The following THRB variants were observed in gnomAD, a reference collection of about 807,000 sequenced individuals.
THRB encodes the protein thyroid hormone receptor beta.
Under a neutral mutation model 47.8 loss-of-function variants are expected in THRB, and 12 were observed. The observed-to-expected ratio is 0.25, with a 90% CI of 0.16 to 0.41. The LOEUF (loss-of-function observed/expected upper bound fraction) is 0.41, where lower values mean the gene tolerates loss of function less well. Ranked by LOEUF, THRB falls within the 10% of genes least tolerant of loss-of-function variation. THRB has a pLI of 1.00. For synonymous variants in THRB, 218 were observed against 212.2 expected (o/e 1.03, Z -0.24); for missense variants, 348 against 589.2 (o/e 0.59, Z 4.24).
At position 24,149,313 on chromosome 3, in the gene THRB, G is replaced by A. The variant is rs114226090; in HGVS notation, c.385-2491C>T. ...CAAGACATCCAGTAAGAATGCTGAC[G>A]GCTTACTAGGATAGGAAGATTGTTA... On this transcript the variant is annotated intron_variant, in intron 6 of 10. Coordinates refer to ENST00000646209, the MANE Select transcript of THRB (RefSeq NM_001354712.2). Among the ~76,000 whole-genome samples the A allele has an allele frequency of 5.4e-3, 819 of 152,186 alleles. 8 individuals carry two copies. Among genetic ancestry groups the A allele is most frequent in the African/African-American group, 0.018 (766 of 41,538 alleles).
chr3:24,353,789 C>T (rs1322155118), intron 1 of THRB, among the ~76,000 whole-genome samples: 2 of 152,048 alleles, frequency 1.3e-5, no homozygotes, highest in African/African-American at 4.8e-5. Context: ...TTTTTTATCT[C>T]TTAATCTAAA....
chr3:24,190,071 T>C lies in THRB; in HGVS notation c.283+3A>G. 1 of 1,614,042 alleles carries C rather than the reference T, an allele frequency of 6.2e-7. No homozygotes were observed. Among genetic ancestry groups the C allele is most frequent in the Non-Finnish European group, 8.5e-7 (1 of 1,179,884 alleles). The stretch of plus-strand genomic sequence containing the variant: ...GATAATGGGCTAATAAAAATCTGGT[T>C]ACCTTTACATTTCTTCTCCTCCGTT... On this transcript the variant is annotated splice_donor_region_variant and intron_variant, in intron 5 of 10. Coordinates refer to ENST00000646209, the MANE Select transcript of THRB (RefSeq NM_001354712.2).
chr3:24,277,886 C>G (rs1201186030), intron 3 of THRB, among the ~76,000 whole-genome samples: 1 of 152,176 alleles, frequency 6.6e-6, no homozygotes, highest in Non-Finnish European at 1.5e-5. Context: ...TGACATTTAT[C>G]AAATAATTGA....
intron 1 of THRB, among the ~76,000 whole-genome samples, chr3:24,363,523 C>A (rs1277326738): frequency 6.6e-6 from 1 of 152,094 alleles, no homozygotes; most frequent in Non-Finnish European, 1.5e-5. Flanking sequence ...ACAACACATT[C>A]ATTTGTATGG....
chr3:24,474,292 G>A (rs1695127367), intron 1 of THRB, among the ~76,000 whole-genome samples: 2 of 152,082 alleles, frequency 1.3e-5, no homozygotes, highest in African/African-American at 4.8e-5. Context: ...GAAGCATAAA[G>A]CCAAAGGCAA....
chr3:24,363,568 T>C (rs544392725), intron 1 of THRB, among the ~76,000 whole-genome samples: 2 of 152,244 alleles, frequency 1.3e-5, no homozygotes, highest in South Asian at 2.1e-4. Context: ...GCTCAAGGGA[T>C]AGAAGATTAA....
intron 2 of THRB, among the ~76,000 whole-genome samples, chr3:24,332,449 CTT>C (rs1023604293): frequency 6.6e-6 from 1 of 152,184 alleles, no homozygotes; most frequent in African/African-American, 2.4e-5. Flanking sequence ...ACTTTGATCT[CTT>C]CACAAATTTA....
At chr3:24,301,995 AGC>A (rs149523647) in intron 2 of THRB, among the ~76,000 whole-genome samples, 2,410 of 152,280 alleles carry the variant, frequency 0.016, 52 homozygotes, top group African/African-American at 0.054. Context: ...CTGAAACCTA[AGC>A]CCTTGTGAAG....
intron 3 of THRB, among the ~76,000 whole-genome samples, chr3:24,263,832 G>A (rs1378640586): frequency 6.6e-6 from 1 of 152,120 alleles, no homozygotes; most frequent in East Asian, 1.9e-4. Flanking sequence ...TGGAAAGCAT[G>A]GGTTTTAAAA....
chr3:24,482,358 T>C (rs1337638588), intron 1 of THRB, among the ~76,000 whole-genome samples: 3 of 152,204 alleles, frequency 2.0e-5, no homozygotes, highest in African/African-American at 7.2e-5. Flanking sequence ...GATAGAGTGA[T>C]TGAAGTTCAA....
intron 1 of THRB, among the ~76,000 whole-genome samples, chr3:24,436,737 A>T (rs2070997046): frequency 6.6e-6 from 1 of 152,192 alleles, no homozygotes; most frequent in African/African-American, 2.4e-5. Context: ...AAGATCACGT[A>T]CATCTAACCA....
intron 4 of THRB, among the ~76,000 whole-genome samples, chr3:24,220,252 A>G (rs958247121): frequency 1.3e-5 from 2 of 152,120 alleles, no homozygotes; most frequent in Admixed American, 6.6e-5. Context: ...GCACTTTGGG[A>G]GGCTAAGGGG....
intron 6 of THRB, among the ~76,000 whole-genome samples, chr3:24,147,695 A>G (rs2036281005): frequency 6.6e-6 from 1 of 152,204 alleles, no homozygotes; most frequent in Admixed American, 6.5e-5. Context: ...TGTATTGTAG[A>G]AGTTAATAAC....
At chr3:24,297,965 C>G (rs2056589411) in intron 2 of THRB, among the ~76,000 whole-genome samples, 1 of 152,176 alleles carries the variant, frequency 6.6e-6, no homozygotes, top group African/African-American at 2.4e-5. Context: ...CACCCCAGAT[C>G]TACTCAATCA....
At position 24,117,839 on chromosome 3, in the gene THRB, G is replaced by A. The variant is rs1404592269; in HGVS notation, c.*5045C>T. On this transcript the variant is annotated 3_prime_UTR_variant, in exon 11 of 11. Transcript: ENST00000646209. ...TCATAGAAAGAATCTCAATTAACATGTGTTCAGGGCAACAGAGATTGAGAT... is the reference window on the plus strand; with the variant it reads ...TCATAGAAAGAATCTCAATTAACATATGTTCAGGGCAACAGAGATTGAGAT... 1 of 152,224 alleles carries A rather than the reference G, an allele frequency of 6.6e-6. No individual in the cohort carries two copies. Among genetic ancestry groups the A allele is most frequent in the Admixed American group, 6.5e-5 (1 of 15,282 alleles). 9.4% of individuals were successfully genotyped at this position (152,224 alleles called of 1,614,324 possible). A position where few individuals can be genotyped will look rare whatever the true frequency, so the allele number is the denominator to read the frequency against.
At chr3:24,196,734 C>T (rs2043999154) in intron 4 of THRB, among the ~76,000 whole-genome samples, 2 of 152,198 alleles carry the variant, frequency 1.3e-5, no homozygotes, top group Admixed American at 6.5e-5. Flanking sequence ...AGGAATGTAT[C>T]TCTAAAATTG....
intron 2 of THRB, among the ~76,000 whole-genome samples, chr3:24,326,803 C>T (rs1163466630): frequency 4.1e-5 from 4 of 97,566 alleles, no homozygotes; most frequent in Non-Finnish European, 5.4e-5. Flanking sequence ...TTTGCTCTGT[C>T]ACCCAGGCTA....
chr3:24,320,704 C>T (rs2058428516), intron 2 of THRB, among the ~76,000 whole-genome samples: 1 of 151,984 alleles, frequency 6.6e-6, no homozygotes, highest in Non-Finnish European at 1.5e-5. Context: ...AATTAGTCAA[C>T]ATTTGACAAA....
chr3:24,363,418 A>C (rs2064214144), intron 1 of THRB, among the ~76,000 whole-genome samples: 1 of 152,154 alleles, frequency 6.6e-6, no homozygotes, highest in African/African-American at 2.4e-5. Context: ...AGGGTGCCTG[A>C]GCTAGCTAAT....
Sources: allele counts gnomAD v4.1 joint callset (sites outside exome capture counted in the v4.1 genomes callset), GRCh38; gene constraint gnomAD v4.1.1; transcripts MANE v1.5; gene names NCBI Gene and HGNC (gene_info 2026-07-23, HGNC 2026-07-21).